Variants in GRM7 observed in about 807,000 individuals in gnomAD.
GRM7 encodes metabotropic glutamate receptor 7.
Under a neutral mutation model 84.5 loss-of-function variants are expected in GRM7, and 35 were observed. The ratio of observed to expected loss-of-function variants is 0.41; its 90% CI spans 0.32 to 0.55. The LOEUF is 0.55. Ranked by LOEUF, GRM7 falls within the 20% of genes least tolerant of loss-of-function variation. The pLI is 0.19. For missense variants in GRM7, 1,003 were observed against 1,194.6 expected (o/e 0.84, Z 2.36); for synonymous variants, 487 against 455.1 (o/e 1.07, Z -0.89).
At position 6,961,989 on chromosome 3, in the gene GRM7, C is replaced by G. The variant is rs1317903209; in HGVS notation, c.519+100082C>G. ...TCTTTTCTTCCTTTTTAGAAAAACT[C>G]CTTGAAAGAAATAGTCCAAACTACT... is the stretch of plus-strand genomic sequence containing the variant. On this transcript the variant is annotated intron_variant, in intron 1 of 9. Coordinates refer to ENST00000357716, the MANE Select transcript of GRM7 (RefSeq NM_000844.4). Among the ~76,000 whole-genome samples, 3 of 152,106 alleles carry G rather than the reference C, an allele frequency of 2.0e-5. No individual in the cohort carries two copies. The East Asian group carries it at 5.8e-4, about 29-fold the overall frequency.
At chr3:7,354,992 C>G (rs1470810824) in intron 4 of GRM7, among the ~76,000 whole-genome samples, 1 of 152,154 alleles carries the variant, frequency 6.6e-6, no homozygotes, top group Non-Finnish European at 1.5e-5. Flanking sequence ...GATATCTCAA[C>G]AGTCTATTAC....
chr3:7,163,373 G>C (rs1216620489), intron 2 of GRM7, among the ~76,000 whole-genome samples: 1 of 152,172 alleles, frequency 6.6e-6, no homozygotes, highest in Non-Finnish European at 1.5e-5. Flanking sequence ...AAAGAATCTT[G>C]CTCAGTGAAT....
intron 1 of GRM7, among the ~76,000 whole-genome samples, chr3:7,020,852 T>A (rs1168820323): frequency 6.6e-6 from 1 of 152,216 alleles, no homozygotes; most frequent in African/African-American, 2.4e-5. Context: ...CTAAGAATGC[T>A]GAGTCCAGTT....
In GRM7 at chr3:7,415,818, G is replaced by T. The variant is rs376126038; in HGVS notation, c.1174+655G>T. Among the ~76,000 whole-genome samples the T allele has an allele frequency of 8.9e-4, 136 of 152,194 alleles. 5 individuals are homozygous for T. In the South Asian group the frequency reaches 0.026, roughly 29 times the overall value. ...TAAGTGAGAATCCTCCCTCTATGTTGCCCAGAGTCTGGTGGAAGGAATTTG... is the reference window on the plus strand; with the variant it reads ...TAAGTGAGAATCCTCCCTCTATGTTTCCCAGAGTCTGGTGGAAGGAATTTG... On this transcript the variant is annotated intron_variant, in intron 5 of 9. Coordinates refer to ENST00000357716, the MANE Select transcript of GRM7 (RefSeq NM_000844.4).
chr3:7,457,357 C>G (rs991827091), intron 6 of GRM7, among the ~76,000 whole-genome samples: 10 of 152,126 alleles, frequency 6.6e-5, no homozygotes, highest in African/African-American at 2.4e-4. Context: ...TTTATCATGC[C>G]TAGATATTTT....
At chr3:7,233,190 T>C (rs1697248810) in intron 2 of GRM7, among the ~76,000 whole-genome samples, 1 of 152,184 alleles carries the variant, frequency 6.6e-6, no homozygotes, top group South Asian at 2.1e-4. Flanking sequence ...CTGGGCAACT[T>C]TGTAATTGAA....
chr3:7,215,667 A>AT (rs1696584344), intron 2 of GRM7, among the ~76,000 whole-genome samples: 3 of 143,732 alleles, frequency 2.1e-5, no homozygotes, highest in East Asian at 2.0e-4. Context: ...TCTGTCTCAA[A>AT]AAAATAAATA....
At chr3:7,176,709 A>T (rs1695163534) in intron 2 of GRM7, among the ~76,000 whole-genome samples, 1 of 152,030 alleles carries the variant, frequency 6.6e-6, no homozygotes, top group Non-Finnish European at 1.5e-5. Flanking sequence ...GTCTCTTAGA[A>T]CTCTTGTTGG....
At chr3:6,950,998 G>A (rs541932348) in intron 1 of GRM7, among the ~76,000 whole-genome samples, 232 of 152,296 alleles carry the variant, frequency 1.5e-3, no homozygotes, top group African/African-American at 4.6e-3. Context: ...GACCCCTTGC[G>A]CTTCCCGGGT....
At chr3:7,484,182 G>A (rs760055210) in intron 7 of GRM7, among the ~76,000 whole-genome samples, 12 of 152,130 alleles carry the variant, frequency 7.9e-5, no homozygotes, top group Non-Finnish European at 1.6e-4. Flanking sequence ...AACAAGAGTG[G>A]AGCAATCTGT....
chr3:7,563,381 C>T (rs563454878), intron 7 of GRM7, among the ~76,000 whole-genome samples: 3 of 152,000 alleles, frequency 2.0e-5, no homozygotes, highest in East Asian at 1.9e-4. Context: ...AGAATCTGCC[C>T]CAGGTTCCAT....
At chr3:7,549,921 AAC>A (rs765472954) in intron 7 of GRM7, among the ~76,000 whole-genome samples, 34 of 152,366 alleles carry the variant, frequency 2.2e-4, no homozygotes, top group Non-Finnish European at 4.7e-4. Flanking sequence ...CTATGAAATG[AAC>A]ACATCTGTCC....
intron 9 of GRM7, among the ~76,000 whole-genome samples, chr3:7,723,319 T>C (rs1371627589): frequency 1.3e-5 from 2 of 152,286 alleles, no homozygotes; most frequent in African/African-American, 4.8e-5. Context: ...GCTTCCTCAA[T>C]CTAGTCTCTC....
intron 7 of GRM7, among the ~76,000 whole-genome samples, chr3:7,464,298 G>A (rs932934316): frequency 6.6e-6 from 1 of 152,072 alleles, no homozygotes; most frequent in African/African-American, 2.4e-5. Context: ...ATGAGATGAG[G>A]GAGGCAGCTG....
At chr3:7,367,353 T>C (rs1296049365) in intron 4 of GRM7, among the ~76,000 whole-genome samples, 1 of 151,908 alleles carries the variant, frequency 6.6e-6, no homozygotes, top group Non-Finnish European at 1.5e-5. Context: ...ATCATTGAAT[T>C]CTTTTTGTTG....
At chr3:7,711,135 A>C (rs1385303844) in intron 9 of GRM7, among the ~76,000 whole-genome samples, 1 of 152,214 alleles carries the variant, frequency 6.6e-6, no homozygotes, top group Non-Finnish European at 1.5e-5. Flanking sequence ...AGTGGCACTT[A>C]TGTTTTAATG....
intron 7 of GRM7, among the ~76,000 whole-genome samples, chr3:7,467,938 A>G (rs766954310): frequency 1.7e-4 from 26 of 152,218 alleles, no homozygotes; most frequent in Non-Finnish European, 2.9e-4. Context: ...ATTAATTTCA[A>G]AAGTTGTAAT....
chr3:7,171,774 A>C (rs1694991603), intron 2 of GRM7, among the ~76,000 whole-genome samples: 1 of 152,172 alleles, frequency 6.6e-6, no homozygotes, highest in South Asian at 2.1e-4. Context: ...GATTTAGAAA[A>C]TGAGAACACC....
chr3:7,697,381 C>A (rs1701060661), intron 9 of GRM7, among the ~76,000 whole-genome samples: 1 of 151,920 alleles, frequency 6.6e-6, no homozygotes, highest in African/African-American at 2.4e-5. Flanking sequence ...TTATAGAAAG[C>A]CTGAAGTAAG....
Sources: gnomAD v4.1 joint callset for allele counts (sites outside exome capture counted in the v4.1 genomes callset) on GRCh38, gnomAD v4.1.1 for gene constraint, MANE v1.5 for transcripts, NCBI Gene and HGNC (gene_info 2026-07-23, HGNC 2026-07-21) for gene names.